The following TMX3 variants were observed in gnomAD, a reference collection of about 807,000 sequenced individuals.
TMX3 encodes thioredoxin related transmembrane protein 3.
In TMX3, 40 loss-of-function variants were observed where a neutral mutation model predicts 64.4. The ratio of observed to expected loss-of-function variants is 0.62; its 90% CI spans 0.48 to 0.81. The LOEUF is 0.81. TMX3 is among the 30% of genes least tolerant of loss of function. TMX3 has a pLI of 0.00. For missense variants in TMX3, 497 were observed against 534.5 expected, an observed-to-expected ratio of 0.93 and a Z score of 0.69; for synonymous variants, 189 against 175.7, an observed-to-expected ratio of 1.08 and a Z score of -0.60.
chr18:68,700,850 T>TA, intron 5 of TMX3: 8 of 984,984 alleles, frequency 8.1e-6, no homozygotes, highest in Non-Finnish European at 9.6e-6. Context: ...GACAGGGAAA[T>TA]AAGAGTATTT....
intron 9 of TMX3, chr18:68,688,373 GC>G (rs926230656): frequency 2.0e-5 from 3 of 152,086 alleles, no homozygotes; most frequent in Non-Finnish European, 4.4e-5. Flanking sequence ...TAGTACCTTA[GC>G]TTTTTTCCAA....
At chr18:68,703,677 A>C (rs1419235972) in intron 4 of TMX3, among the ~76,000 whole-genome samples, 4 of 152,306 alleles carry the variant, frequency 2.6e-5, no homozygotes, top group Non-Finnish European at 5.9e-5. Flanking sequence ...ATAACATTTA[A>C]AAAAAGCCTT....
chr18:68,681,720 C>T (rs1300198064), intron 13 of TMX3, among the ~76,000 whole-genome samples: 1 of 152,194 alleles, frequency 6.6e-6, no homozygotes, highest in Admixed American at 6.5e-5. Context: ...CAAATGAAGG[C>T]ATTTGCTACA....
In TMX3 at chr18:68,712,579, C is replaced by A. The variant is rs149895618; in HGVS notation, c.102-1176G>T. On this transcript the variant is annotated intron_variant, in intron 2 of 15. Transcript: ENST00000299608. ...AAGGTCCCCTTTTTCAGCATAGGGA[C>A]CTTTCTGGTGAGCATCCACATGGGT... Among the ~76,000 whole-genome samples, 5 of 152,100 alleles carry A rather than the reference C, an allele frequency of 3.3e-5. No individual in the cohort carries two copies. In the East Asian group the frequency reaches 9.7e-4, roughly 30 times the overall value.
intron 8 of TMX3, chr18:68,696,871 A>G (rs1401574500): frequency 5.9e-6 from 1 of 169,688 alleles, no homozygotes; most frequent in African/African-American, 2.6e-5. Flanking sequence ...AAAAGACTGT[A>G]TCTGCAACAC....
rs1915155014 is a variant in TMX3 at position 68,697,028 on chromosome 18, GTATT to G, written c.570+194_570+197del. On this transcript the variant is annotated intron_variant, in intron 8 of 15. Transcript: ENST00000299608. ...ATCCCTAAATGCTACGAATCTGATG[GTATT>G]TATTAATAAAAAGCAATCTAATACC... is the stretch of plus-strand genomic sequence containing the variant. 9 of 419,958 alleles carry G rather than the reference GTATT, an allele frequency of 2.1e-5. No individual in the cohort carries two copies. In the East Asian group the frequency reaches 3.8e-4, roughly 18 times the overall value. The allele number at this position is 419,958 out of a possible 1,614,324, so 26.0% of individuals were successfully genotyped here. A position where few individuals can be genotyped will look rare whatever the true frequency, so the allele number is the denominator to read the frequency against.
At chr18:68,697,787 T>C (rs1915244217) in intron 7 of TMX3, 145 bp downstream of exon 7, 2 of 566,100 alleles carry the variant, frequency 3.5e-6, no homozygotes, top group Admixed American at 6.7e-5. Context: ...GAAGGAAGTG[T>C]TTTTATTATA....
At chr18:68,695,006 A>T (rs1418266948) in intron 8 of TMX3, among the ~76,000 whole-genome samples, 3 of 152,240 alleles carry the variant, frequency 2.0e-5, no homozygotes, top group Middle Eastern at 3.4e-3. Context: ...CATTTCTTTC[A>T]TAATTCCCCT....
At chr18:68,695,984 G>A (rs561227258) in intron 8 of TMX3, among the ~76,000 whole-genome samples, 1 of 152,124 alleles carries the variant, frequency 6.6e-6, no homozygotes, top group South Asian at 2.1e-4. Flanking sequence ...TCGCATTTTG[G>A]ACATCTGTTA....
rs1209651586 is a variant in TMX3, at chr18:68,676,486, T to C, written c.*447A>G. The C allele has an allele frequency of 6.4e-6, 1 of 157,002 alleles. No individual in the cohort carries two copies. Among genetic ancestry groups the C allele is most frequent in the African/African-American group, 2.4e-5 (1 of 41,526 alleles). The allele number at this position is 157,002 out of a possible 1,614,324, so 9.7% of individuals were successfully genotyped here. A position where few individuals can be genotyped will look rare whatever the true frequency, so the allele number is the denominator to read the frequency against. On this transcript the variant is annotated 3_prime_UTR_variant, in exon 16 of 16. Coordinates refer to ENST00000299608, the MANE Select transcript of TMX3 (RefSeq NM_019022.5). The stretch of plus-strand genomic sequence containing the variant: ...AGTTATTAGTTCTCCTTAAAGTGCC[T>C]AAATTTTAAAGACTTAATTTTGTCC...
At chr18:68,708,814 T>A (rs1233408846) in intron 4 of TMX3, among the ~76,000 whole-genome samples, 2 of 152,140 alleles carry the variant, frequency 1.3e-5, no homozygotes, top group Admixed American at 6.5e-5. Flanking sequence ...GTGCAGCCAT[T>A]GTGCTAGGGG....
chr18:68,693,840 CTTCACTGATGACCA>C (rs1914784625), intron 8 of TMX3, among the ~76,000 whole-genome samples: 1 of 152,130 alleles, frequency 6.6e-6, no homozygotes. Flanking sequence ...GGAGTAAGAA[CTTCACTGATGACCA>C]TTCAGCCAAG....
chr18:68,691,088 A>G (rs1914473985), intron 9 of TMX3: 1 of 398,454 alleles, frequency 2.5e-6, no homozygotes, highest in Non-Finnish European at 4.5e-6. Flanking sequence ...AACAAAAAGA[A>G]TGTTGTGTAG....
intron 8 of TMX3, among the ~76,000 whole-genome samples, chr18:68,695,330 T>A (rs1279923484): frequency 6.6e-6 from 1 of 152,252 alleles, no homozygotes; most frequent in African/African-American, 2.4e-5. Flanking sequence ...TTTCCTTTGC[T>A]GACCTCAGGT....
At chr18:68,700,537 T>C (rs754368887) in intron 5 of TMX3, 52 bp from the exon 6 acceptor site, 10 of 1,290,988 alleles carry the variant, frequency 7.7e-6, no homozygotes, top group Non-Finnish European at 1.1e-5. Flanking sequence ...AGTTTTAATA[T>C]TTAATGTTAA....
At chr18:68,696,916 A>T in intron 8 of TMX3, 1 of 246,650 alleles carries the variant, frequency 4.1e-6, no homozygotes, top group East Asian at 1.1e-4. Context: ...ACGCAAAATA[A>T]TCCACCACTT....
chr18:68,714,788 C>CGACGGG, intron 1 of TMX3, 148 bp downstream of exon 1: 1 of 1,132,262 alleles, frequency 8.8e-7, no homozygotes, highest in Non-Finnish European at 1.2e-6. Flanking sequence ...CAGGGTGGCG[C>CGACGGG]GGCGGGGGCG....
intron 13 of TMX3, 46 bp from the exon 14 acceptor site, chr18:68,681,156 A>T (rs768785919): frequency 2.1e-6 from 3 of 1,441,860 alleles, no homozygotes; most frequent in East Asian, 5.0e-5. Context: ...ACACAGCAAT[A>T]GCAAGTATTC....
At chr18:68,698,146 T>A in intron 6 of TMX3, 115 bp from the exon 7 acceptor site, 1 of 679,544 alleles carries the variant, frequency 1.5e-6, no homozygotes. Flanking sequence ...ATATATCAAC[T>A]GCATTTTAAG....
Sources: gnomAD v4.1 joint callset for allele counts (sites outside exome capture counted in the v4.1 genomes callset) on GRCh38, gnomAD v4.1.1 for gene constraint, MANE v1.5 for transcripts, NCBI Gene and HGNC (gene_info 2026-07-23, HGNC 2026-07-21) for gene names.